GALC: variants seen among roughly 807,000 people sequenced by gnomAD.
GALC encodes the protein galactocerebrosidase.
GALC carries 77 observed loss-of-function variants against 91.8 expected under a neutral mutation model. The ratio of observed to expected loss-of-function variants is 0.84; its 90% CI spans 0.70 to 1.01. The LOEUF is 1.01. Ranked by LOEUF, GALC falls within the 50% of genes least tolerant of loss-of-function variation. The pLI is 0.00. For missense variants in GALC, 882 were observed against 855.9 expected, an observed-to-expected ratio of 1.03 and a Z score of -0.38; for synonymous variants, 357 against 306.7, an observed-to-expected ratio of 1.16 and a Z score of -1.71.
At chr14:87,951,184 T>C (rs1347261878) in intron 10 of GALC, among the ~76,000 whole-genome samples, 1 of 151,796 alleles carries the variant, frequency 6.6e-6, no homozygotes, top group Non-Finnish European at 1.5e-5. Flanking sequence ...ATATATAGTA[T>C]ATATAGATAT....
intron 14 of GALC, 115 bp downstream of exon 14, chr14:87,945,438 A>G: frequency 1.2e-6 from 1 of 813,770 alleles, no homozygotes; most frequent in Non-Finnish European, 2.2e-6. Flanking sequence ...TACATATTAC[A>G]CATCTATTAG....
rs1884498007 is a variant in GALC at position 87,934,783 on chromosome 14, G to T, written c.2007C>A (p.His669Gln). ...PKNGWAAIGT[H>Q]SFEFAQFDNF... is the part of the protein sequence containing the mutation. ...TGTCAAACTGTGCAAATTCAAAGGA[G>T]TGAGTTCCAATTGCAGCCCAGCCAT... Residue 669 changes from histidine to glutamine, a missense_variant, in exon 17 of 17, where the codon CAC becomes CAA. Physicochemically the swap from His to Gln is conservative, Grantham distance 24. Transcript: ENST00000261304. The T allele has an allele frequency of 6.2e-7, 1 of 1,613,034 alleles. No individual in the cohort carries two copies. The highest frequency in any genetic ancestry group is 1.1e-5 in the South Asian group (1 of 91,064).
At chr14:87,981,065 C>G (rs1438156372) in intron 6 of GALC, 1 of 152,144 alleles carries the variant, frequency 6.6e-6, no homozygotes, top group South Asian at 2.1e-4. Flanking sequence ...AAAAACCCAT[C>G]AATCAGTACG....
chr14:87,950,645 A>G lies in GALC; in HGVS notation c.1251+14T>C. 6.8e-7 allele frequency: 1 copy of G among 1,475,058 alleles called. No individual in the cohort carries two copies. Among genetic ancestry groups the G allele is most frequent in the Non-Finnish European group, 9.5e-7 (1 of 1,055,428 alleles). The allele number at this position is 1,475,058 out of a possible 1,614,324, so 91.4% of individuals were successfully genotyped here. On this transcript the variant is annotated intron_variant, in intron 11 of 16. Transcript: ENST00000261304. ...TAAATCAAAACTAAAATAAAGTTAAACATATTTACTTACAAAAGATCCCTT... is the reference window on the plus strand; with the variant it reads ...TAAATCAAAACTAAAATAAAGTTAAGCATATTTACTTACAAAAGATCCCTT...
At chr14:87,954,505 C>T in intron 10 of GALC, 1 of 1,563,248 alleles carries the variant, frequency 6.4e-7, no homozygotes, top group Non-Finnish European at 8.7e-7. Context: ...CACTAGAAAA[C>T]CTAAAATCGC....
intron 10 of GALC, chr14:87,954,293 T>C (rs1885427943): frequency 1.3e-6 from 2 of 1,564,050 alleles, no homozygotes; most frequent in African/African-American, 2.7e-5. Context: ...TACTAAGAGT[T>C]GTTGATTTCA....
chr14:87,981,225 A>G (rs1886734532), intron 6 of GALC: 1 of 152,240 alleles, frequency 6.6e-6, no homozygotes, highest in Admixed American at 6.5e-5. Context: ...AAAACATCGT[A>G]TGTTCTCACT....
chr14:87,937,178 T>C (rs1219314748), intron 16 of GALC, among the ~76,000 whole-genome samples: 1 of 150,590 alleles, frequency 6.6e-6, no homozygotes, highest in Non-Finnish European at 1.5e-5. Context: ...TGATGTTTTG[T>C]TTTTTTTATT....
intron 10 of GALC, among the ~76,000 whole-genome samples, chr14:87,960,004 T>C (rs1885729909): frequency 6.6e-6 from 1 of 152,112 alleles, no homozygotes; most frequent in African/African-American, 2.4e-5. Flanking sequence ...GAGGATATGA[T>C]GTTAAGTGAA....
chr14:87,963,154 C>T (rs866700782), intron 10 of GALC: 7 of 483,960 alleles, frequency 1.4e-5, no homozygotes, highest in African/African-American at 7.9e-5. Context: ...ATCCCAACTG[C>T]CAGGAACAAA....
Position 87,992,860 on chromosome 14 carries a change from G to A in GALC, c.195+110C>T. ...GACTGGCACCCTAGGGGAATGCGGCGGAGAGTGGAGCCGGTGGAAACGCAG... is the reference window on the plus strand; with the variant it reads ...GACTGGCACCCTAGGGGAATGCGGCAGAGAGTGGAGCCGGTGGAAACGCAG... On this transcript the variant is annotated intron_variant, in intron 1 of 16. Transcript: ENST00000261304. 6 of 1,398,286 alleles carry A rather than the reference G, an allele frequency of 4.3e-6. No individual in the cohort carries two copies. The Admixed American group carries it at 1.6e-4, about 36-fold the overall frequency. The allele number at this position is 1,398,286 out of a possible 1,614,324, so 86.6% of individuals were successfully genotyped here. A position where few individuals can be genotyped will look rare whatever the true frequency, so the allele number is the denominator to read the frequency against.
At chr14:87,988,031 A>G (rs1355259245) in intron 3 of GALC, 113 bp downstream of exon 3, 4 of 813,060 alleles carry the variant, frequency 4.9e-6, no homozygotes, top group East Asian at 2.6e-5. Flanking sequence ...ATAAGCAACA[A>G]TCAATCTCAA....
Position 87,991,350 on chromosome 14 carries a change from G to A in GALC, c.195+1620C>T, listed in dbSNP as rs138398529. On this transcript the variant is annotated intron_variant, in intron 1 of 16. Coordinates refer to ENST00000261304, the MANE Select transcript of GALC (RefSeq NM_000153.4). ...CCCGAGTAGCTGGGACTACAGGCGCGTGCTACCAAGACTGGCTAATTTTTT... is the reference window on the plus strand; with the variant it reads ...CCCGAGTAGCTGGGACTACAGGCGCATGCTACCAAGACTGGCTAATTTTTT... 8.9e-4 allele frequency among the ~76,000 whole-genome samples: 136 copies of A among 152,194 alleles called. 3 individuals carry two copies. The East Asian group carries it at 0.025, about 28-fold the overall frequency.
At chr14:87,988,953 A>G (rs1222671397) in intron 1 of GALC, among the ~76,000 whole-genome samples, 1 of 152,218 alleles carries the variant, frequency 6.6e-6, no homozygotes, top group Non-Finnish European at 1.5e-5. Context: ...CCCCATCCTC[A>G]TAAATTCTAC....
rs377167343 is a variant in GALC, at chr14:87,939,960, A to G, written c.1856T>C (p.Leu619Ser). The G allele has an allele frequency of 6.2e-7, 1 of 1,610,272 alleles. No individual in the cohort carries two copies. The highest frequency in any genetic ancestry group is 8.5e-7 in the Non-Finnish European group (1 of 1,177,174). The change falls in exon 16 of 17, where the codon TTA becomes TCA. Residue 619 changes from leucine to serine, a missense_variant. By Grantham distance (145) the Leu-to-Ser change is moderately radical. Transcript: ENST00000261304. ...GDLAGWIIYALGRVEVTAKKW... is the reference protein window; with the variant it reads ...GDLAGWIIYASGRVEVTAKKW... ...TTTTGCTGTAACTTCAACACGTCCT[A>G]AAGCATATATAATCCATCCAGCTGT... is the stretch of plus-strand genomic sequence containing the variant.
intron 10 of GALC, among the ~76,000 whole-genome samples, chr14:87,960,816 G>A (rs1344970770): frequency 6.6e-6 from 1 of 152,092 alleles, no homozygotes; most frequent in Admixed American, 6.5e-5. Context: ...CCCCAGTTAA[G>A]AAAGAAAATG....
chr14:87,963,659 T>G, intron 9 of GALC, 148 bp from the exon 10 acceptor site: 2 of 661,580 alleles, frequency 3.0e-6, no homozygotes, highest in East Asian at 5.7e-5. Flanking sequence ...GTCAACCTCA[T>G]GTTTAAATTT....
chr14:87,934,749 C>CGCT lies in GALC; in HGVS notation c.2040_2041insAGC (p.Leu680_Val681insSer). The CGCT allele has an allele frequency of 3.1e-6, 5 of 1,613,206 alleles. No individual in the cohort carries two copies. The highest frequency in any genetic ancestry group is 3.4e-6 in the Non-Finnish European group (4 of 1,179,454). On this transcript the variant is annotated inframe_insertion, in exon 17 of 17. Transcript: ENST00000261304. ...GTTAAGTATTAGCGTGTGGCTTCCA[C>CGCT]AAGAAAGTTGTCAAACTGTGCAAAT...
In GALC at chr14:87,981,457, TA is replaced by T. The variant is rs768795302; in HGVS notation, c.621+747del. 3.6e-3 allele frequency: 683 copies of T among 189,392 alleles called. 1 individual carries two copies. The highest frequency in any genetic ancestry group is 5.1e-3 in the Non-Finnish European group (482 of 95,034). 11.7% of individuals were successfully genotyped at this position (189,392 alleles called of 1,614,324 possible). On this transcript the variant is annotated intron_variant, in intron 6 of 16. Coordinates refer to ENST00000261304, the MANE Select transcript of GALC (RefSeq NM_000153.4). ...CCTATTCTCCAAAAACCTATGGAAA[TA>T]AAAAAAAATTAATATAAAAATTTTT...
Sources: allele counts gnomAD v4.1 joint callset (sites outside exome capture counted in the v4.1 genomes callset), GRCh38; gene constraint gnomAD v4.1.1; transcripts MANE v1.5; gene names NCBI Gene and HGNC (gene_info 2026-07-23, HGNC 2026-07-21).